The following SLC12A2 variants were observed in gnomAD, a reference collection of about 807,000 sequenced individuals.
SLC12A2 encodes the protein solute carrier family 12 member 2.
Under a neutral mutation model 136.3 loss-of-function variants are expected in SLC12A2, and 67 were observed. The observed-to-expected ratio is 0.49, with a 90% CI of 0.40 to 0.60. SLC12A2 has a LOEUF of 0.60. SLC12A2 is among the 20% of genes least tolerant of loss of function. The pLI is 0.00. For synonymous variants in SLC12A2, 619 were observed against 562.9 expected (o/e 1.10, Z -1.41); for missense variants, 1,322 against 1,534.7 (o/e 0.86, Z 2.32).
rs996262349 is a variant in SLC12A2 at position 128,187,352 on chromosome 5, AG to A, written c.*724del. Reference sequence around the variant, plus strand: ...ATTTATTATTATTTATTGAAACCTTAGGGAAGATTGAAGATTCATCCCATAC... The same window carrying A: ...ATTTATTATTATTTATTGAAACCTTAGGAAGATTGAAGATTCATCCCATAC... On this transcript the variant is annotated 3_prime_UTR_variant, in exon 27 of 27. Coordinates refer to ENST00000262461, the MANE Select transcript of SLC12A2 (RefSeq NM_001046.3). The A allele has an allele frequency of 1.3e-5, 2 of 152,128 alleles. No homozygotes were observed. The highest frequency in any genetic ancestry group is 2.9e-5 in the Non-Finnish European group (2 of 68,012). 9.4% of individuals were successfully genotyped at this position (152,128 alleles called of 1,614,324 possible). A position where few individuals can be genotyped will look rare whatever the true frequency, so the allele number is the denominator to read the frequency against.
chr5:128,101,242 A>T (rs1056986583), intron 1 of SLC12A2, among the ~76,000 whole-genome samples: 3 of 151,978 alleles, frequency 2.0e-5, no homozygotes, highest in Non-Finnish European at 2.9e-5. Flanking sequence ...GTACTTGATT[A>T]AAAAAAATTG....
chr5:128,117,249 G>A (rs548367562), intron 4 of SLC12A2, among the ~76,000 whole-genome samples: 16 of 152,270 alleles, frequency 1.1e-4, no homozygotes, highest in African/African-American at 3.4e-4. Context: ...GGACCTAAGA[G>A]TCAACCTAAA....
At chr5:128,132,321 G>A (rs566311869) in intron 5 of SLC12A2, among the ~76,000 whole-genome samples, 1 of 152,278 alleles carries the variant, frequency 6.6e-6, no homozygotes, top group African/African-American at 2.4e-5. Context: ...AGATGTGGGC[G>A]AATTTGGGAG....
intron 20 of SLC12A2, among the ~76,000 whole-genome samples, chr5:128,176,645 T>G (rs1350601546): frequency 6.6e-6 from 1 of 151,994 alleles, no homozygotes; most frequent in Non-Finnish European, 1.5e-5. Flanking sequence ...ATTTCAAGTG[T>G]GATTAATTTT....
intron 23 of SLC12A2, 79 bp from the exon 24 acceptor site, chr5:128,182,776 C>T (rs1763744894): frequency 2.1e-6 from 2 of 947,404 alleles, no homozygotes. Flanking sequence ...TTCTATAAAT[C>T]ATGCTTTTTA....
intron 1 of SLC12A2, among the ~76,000 whole-genome samples, chr5:128,098,474 C>T (rs1760622402): frequency 9.2e-6 from 1 of 109,216 alleles, no homozygotes; most frequent in Admixed American, 8.9e-5. Context: ...CTAATGACTG[C>T]TTGTTTTTTT....
At chr5:128,087,629 A>G (rs1394053830) in intron 1 of SLC12A2, among the ~76,000 whole-genome samples, 1 of 152,188 alleles carries the variant, frequency 6.6e-6, no homozygotes, top group Non-Finnish European at 1.5e-5. Context: ...TTTCATTATA[A>G]ATGTAGTGGG....
chr5:128,180,840 A>G, intron 22 of SLC12A2, 43 bp from the exon 23 acceptor site: 1 of 1,150,594 alleles, frequency 8.7e-7, no homozygotes, highest in East Asian at 2.3e-5. Flanking sequence ...CTGATTAAGA[A>G]ATTTGCATTT....
In SLC12A2 at chr5:128,114,216, G is replaced by T; in HGVS notation, c.881G>T (p.Arg294Leu). 1 of 1,611,886 alleles carries T rather than the reference G, an allele frequency of 6.2e-7. No homozygotes were observed. The highest frequency in any genetic ancestry group is 8.5e-7 in the Non-Finnish European group (1 of 1,178,452). ...GGCCTCTTTTTCCCTCTTTAGGTAC[G>T]TTGTATGTTAAACATTTGGGGTGTG... ...KFGWIKGVLV[R>L]CMLNIWGVML... The change falls in exon 3 of 27, where the codon CGT becomes CTT. Residue 294 changes from arginine to leucine, a missense_variant. By Grantham distance (102) the Arg-to-Leu change is moderately radical (BLOSUM62 -2). Around this residue, in one of 8 missense-constraint regions of SLC12A2, gnomAD observed 71 missense variants for 131.0 expected, o/e 0.54. Coordinates refer to ENST00000262461, the MANE Select transcript of SLC12A2 (RefSeq NM_001046.3).
intron 16 of SLC12A2, among the ~76,000 whole-genome samples, chr5:128,159,880 A>G (rs1017822109): frequency 2.0e-4 from 31 of 152,218 alleles, no homozygotes. Flanking sequence ...CAGCAATCCC[A>G]TTACTGGGTA....
At chr5:128,157,693 T>C (rs977848381) in intron 15 of SLC12A2, among the ~76,000 whole-genome samples, 1 of 152,100 alleles carries the variant, frequency 6.6e-6, no homozygotes, top group Non-Finnish European at 1.5e-5. Context: ...TCGCAGGAAG[T>C]TATGCAAACT....
Position 128,171,729 on chromosome 5 carries a change from C to T in SLC12A2, c.2786C>T (p.Ser929Phe). The T allele has an allele frequency of 6.3e-7, 1 of 1,577,438 alleles. No homozygotes were observed. The highest frequency in any genetic ancestry group is 8.6e-7 in the Non-Finnish European group (1 of 1,165,388). The stretch of plus-strand genomic sequence containing the variant: ...CGCCTAAAAGAAGGTCTGGATATAT[C>T]TCATCTTCAAGGACAAGGTAAATTT... ...VIRLKEGLDI[S>F]HLQGQEELLS... The change falls in exon 19 of 27, where the codon TCT (serine) becomes TTT (phenylalanine). Residue 929 changes from serine (S) to phenylalanine (F), a missense_variant. Ser to Phe is a radical substitution (Grantham distance 155). This residue lies in a region of SLC12A2 where 226 missense variants were observed against 210.4 expected (regional missense o/e 1.07). Transcript: ENST00000262461.
intron 11 of SLC12A2, 45 bp downstream of exon 11, chr5:128,147,774 G>A: frequency 1.8e-6 from 2 of 1,139,878 alleles, no homozygotes; most frequent in Non-Finnish European, 2.6e-6. Flanking sequence ...GAGAGTTAAA[G>A]TAATACTTCT....
chr5:128,138,750 A>G (rs1762263289), intron 8 of SLC12A2, 26 bp downstream of exon 8: 2 of 1,603,520 alleles, frequency 1.2e-6, no homozygotes, highest in African/African-American at 1.3e-5. Flanking sequence ...TGCTATATCA[A>G]TTATATATTT....
At chr5:128,119,023 G>C (rs1761456976) in intron 4 of SLC12A2, among the ~76,000 whole-genome samples, 1 of 152,068 alleles carries the variant, frequency 6.6e-6, no homozygotes, top group South Asian at 2.1e-4. Context: ...GTAGGTATGA[G>C]TTTTGTTTGC....
chr5:128,102,345 C>A (rs1020599358), intron 1 of SLC12A2, among the ~76,000 whole-genome samples: 2 of 151,978 alleles, frequency 1.3e-5, no homozygotes, highest in African/African-American at 4.8e-5. Flanking sequence ...TGTGCACCCC[C>A]TTCTAATTCC....
intron 7 of SLC12A2, 139 bp downstream of exon 7, chr5:128,135,947 T>C (rs552803053): frequency 1.5e-6 from 1 of 653,082 alleles, no homozygotes; most frequent in African/African-American, 1.8e-5. Flanking sequence ...AATTTAGTTT[T>C]GTCCCCTTTA....
rs574446353 is a variant in SLC12A2, at chr5:128,099,482, C to T, written c.757-13332C>T. ...TTACAAACACTGTAAACTTAGGCTA[C>T]ATTAAATTTATTTAAAAAATATTTT... On this transcript the variant is annotated intron_variant, in intron 1 of 26. Coordinates refer to ENST00000262461, the MANE Select transcript of SLC12A2 (RefSeq NM_001046.3). 2.6e-3 allele frequency among the ~76,000 whole-genome samples: 397 copies of T among 152,228 alleles called. 1 individual carries two copies. Among genetic ancestry groups the T allele is most frequent in the Middle Eastern group, 6.8e-3 (2 of 294 alleles).
intron 1 of SLC12A2, among the ~76,000 whole-genome samples, chr5:128,087,405 G>A (rs367878275): frequency 1.3e-5 from 2 of 152,132 alleles, no homozygotes; most frequent in African/African-American, 2.4e-5. Flanking sequence ...TAAGTGTTAC[G>A]AAAGAAAAGG....
Sources: allele counts gnomAD v4.1 joint callset (sites outside exome capture counted in the v4.1 genomes callset), GRCh38; gene constraint gnomAD v4.1.1; regional missense constraint gnomAD v4.1.1; transcripts MANE v1.5; gene names NCBI Gene and HGNC (gene_info 2026-07-23, HGNC 2026-07-21).